FOXP1: variants seen among roughly 807,000 people sequenced by gnomAD.
The protein encoded by FOXP1 is forkhead box protein P1.
In FOXP1, 15 loss-of-function variants were observed where a neutral mutation model predicts 98.2. The observed-to-expected ratio is 0.15, with a 90% CI of 0.10 to 0.24. The LOEUF is 0.24. FOXP1 is among the 10% of genes least tolerant of loss of function. FOXP1 has a pLI of 1.00. For synonymous variants in FOXP1, 371 were observed against 314.5 expected (o/e 1.18, Z -1.90); for missense variants, 633 against 848.5 (o/e 0.75, Z 3.15).
intron 5 of FOXP1, among the ~76,000 whole-genome samples, chr3:71,222,620 T>C (rs2065486667): frequency 1.3e-5 from 2 of 152,288 alleles, no homozygotes; most frequent in South Asian, 4.1e-4. Context: ...GGTTTCACCA[T>C]GTTGGCCAGG....
chr3:71,427,959 GA>G (rs1341509662), intron 3 of FOXP1, among the ~76,000 whole-genome samples: 2 of 152,144 alleles, frequency 1.3e-5, no homozygotes, highest in Non-Finnish European at 2.9e-5. Context: ...TGAATTCCAA[GA>G]AAAAGATCAG....
At chr3:71,238,116 A>T (rs2066950075) in intron 5 of FOXP1, among the ~76,000 whole-genome samples, 2 of 152,246 alleles carry the variant, frequency 1.3e-5, no homozygotes, top group Non-Finnish European at 2.9e-5. Context: ...CAGTAAGTTA[A>T]CTAATTTAAG....
chr3:71,399,175 T>G (rs1269039350), intron 3 of FOXP1, among the ~76,000 whole-genome samples: 1 of 152,206 alleles, frequency 6.6e-6, no homozygotes, highest in East Asian at 1.9e-4. Flanking sequence ...TGTCTATGTG[T>G]GTACATACAC....
rs1221292261 is a variant in FOXP1, at chr3:71,033,982, G to C, written c.869+7346C>G. On this transcript the variant is annotated intron_variant, in intron 11 of 20. Coordinates refer to ENST00000649528, the MANE Select transcript of FOXP1 (RefSeq NM_001349338.3). ...GTGATGCTGCCAAGAGTCTGCTTTG[G>C]AGCAAAAATAAGTACCTGTATCTTA... Among the ~76,000 whole-genome samples, 3 of 152,056 alleles carry C rather than the reference G, an allele frequency of 2.0e-5. No homozygotes were observed. The East Asian group carries it at 5.8e-4, about 29-fold the overall frequency.
At chr3:71,313,209 G>A (rs2074828375) in intron 4 of FOXP1, among the ~76,000 whole-genome samples, 2 of 151,320 alleles carry the variant, frequency 1.3e-5, no homozygotes, top group South Asian at 2.1e-4. Flanking sequence ...ACAGGCGCCC[G>A]CCACCACGCC....
At chr3:70,971,435 T>TGTCA (rs1410119159) in intron 18 of FOXP1, 2 of 154,426 alleles carry the variant, frequency 1.3e-5, no homozygotes, top group African/African-American at 4.8e-5. Flanking sequence ...AACATACTGT[T>TGTCA]GTCAGAAAAT....
At chr3:71,326,450 C>T (rs967823045) in intron 4 of FOXP1, among the ~76,000 whole-genome samples, 2 of 152,138 alleles carry the variant, frequency 1.3e-5, no homozygotes, top group Non-Finnish European at 2.9e-5. Flanking sequence ...ATAACAACAA[C>T]AAACTCCTGG....
intron 3 of FOXP1, among the ~76,000 whole-genome samples, chr3:71,363,164 TAAA>T (rs1389824088): frequency 1.3e-5 from 2 of 152,156 alleles, no homozygotes; most frequent in Admixed American, 6.5e-5. Flanking sequence ...TTAAAGGTGT[TAAA>T]AAATTGAAAA....
chr3:71,163,852 C>T (rs2061268197), intron 6 of FOXP1, among the ~76,000 whole-genome samples: 2 of 141,654 alleles, frequency 1.4e-5, no homozygotes, highest in South Asian at 5.0e-4. Context: ...AAGCCATGCA[C>T]TTGCCCCCTT....
chr3:71,050,013 T>C (rs925920990), intron 9 of FOXP1, among the ~76,000 whole-genome samples: 1 of 152,150 alleles, frequency 6.6e-6, no homozygotes, highest in Non-Finnish European at 1.5e-5. Context: ...GGGAAGTGGA[T>C]GACAAAGCAT....
intron 10 of FOXP1, among the ~76,000 whole-genome samples, chr3:71,043,033 G>A (rs1473386025): frequency 6.6e-6 from 1 of 152,114 alleles, no homozygotes; most frequent in Non-Finnish European, 1.5e-5. Context: ...TCAAAGAGGA[G>A]TAAATTATTG....
chr3:70,965,478 G>A (rs1054925773), intron 20 of FOXP1, among the ~76,000 whole-genome samples: 6 of 152,160 alleles, frequency 3.9e-5, no homozygotes. Flanking sequence ...CGTGTTCGTG[G>A]TGAACCTTAG....
intron 5 of FOXP1, among the ~76,000 whole-genome samples, chr3:71,213,520 A>C (rs2064665947): frequency 6.6e-6 from 1 of 152,186 alleles, no homozygotes; most frequent in Non-Finnish European, 1.5e-5. Flanking sequence ...CACAATTCAA[A>C]TGCAGCATAC....
At chr3:71,340,071 G>A (rs770838031) in intron 4 of FOXP1, among the ~76,000 whole-genome samples, 1 of 152,204 alleles carries the variant, frequency 6.6e-6, no homozygotes, top group Non-Finnish European at 1.5e-5. Context: ...AAGTGAGGAA[G>A]TATCTTTTGA....
At chr3:71,241,016 C>T (rs1411600542) in intron 5 of FOXP1, among the ~76,000 whole-genome samples, 1 of 151,462 alleles carries the variant, frequency 6.6e-6, no homozygotes, top group African/African-American at 2.4e-5. Context: ...CGAGACCAGC[C>T]TGGCCAACAT....
rs1429778244 is a variant in FOXP1 at position 71,198,672 on chromosome 3, G to C, written c.-11-280C>G. ...AAACTAGTATTTGTAAGTAAACCTA[G>C]AATTCAAGATTAAATTTTTCTTTTT... is the stretch of plus-strand genomic sequence containing the variant. On this transcript the variant is annotated intron_variant, in intron 5 of 20. Transcript: ENST00000649528. 2.0e-5 allele frequency among the ~76,000 whole-genome samples: 3 copies of C among 151,956 alleles called. No homozygotes were observed. In the East Asian group the frequency reaches 5.8e-4, roughly 29 times the overall value.
At chr3:71,114,328 AAG>A in intron 6 of FOXP1, among the ~76,000 whole-genome samples, 1 of 152,192 alleles carries the variant, frequency 6.6e-6, no homozygotes, top group Non-Finnish European at 1.5e-5. Context: ...ACTCAGAAGA[AAG>A]AGAGAACAGA....
intron 3 of FOXP1, among the ~76,000 whole-genome samples, chr3:71,397,169 C>T (rs984583875): frequency 2.7e-5 from 4 of 145,464 alleles, no homozygotes; most frequent in Admixed American, 7.0e-5. Flanking sequence ...GTTGGAAGCA[C>T]GTGTACCTTT....
intron 11 of FOXP1, among the ~76,000 whole-genome samples, chr3:71,015,943 G>C (rs1384645235): frequency 6.6e-6 from 1 of 152,126 alleles, no homozygotes; most frequent in Non-Finnish European, 1.5e-5. Context: ...AGACTGCGAA[G>C]GAGTCTTTAA....
Sources: allele counts gnomAD v4.1 joint callset (sites outside exome capture counted in the v4.1 genomes callset), GRCh38; gene constraint gnomAD v4.1.1; transcripts MANE v1.5; gene names NCBI Gene and HGNC (gene_info 2026-07-23, HGNC 2026-07-21).